The following HCN1 variants were observed in gnomAD, a reference collection of about 807,000 sequenced individuals.
The protein encoded by HCN1 is potassium/sodium hyperpolarization-activated cyclic nucleotide-gated channel 1.
A neutral mutation model predicts 78.9 loss-of-function variants in HCN1; 13 were observed. That is an observed-to-expected ratio of 0.16 (90% CI 0.11 to 0.26). The LOEUF is 0.26. Among genes scored for constraint, HCN1 ranks in the 10% least tolerant of loss-of-function variants. The pLI is 1.00. For synonymous variants in HCN1, 552 were observed against 455.5 expected (o/e 1.21, Z -2.70); for missense variants, 810 against 1,154.3 (o/e 0.70, Z 4.32).
At chr5:45,517,660 A>G (rs912010306) in intron 2 of HCN1, among the ~76,000 whole-genome samples, 1 of 151,956 alleles carries the variant, frequency 6.6e-6, no homozygotes, top group Non-Finnish European at 1.5e-5. Context: ...TGAGCTTCCA[A>G]GGAGGTTGAC....
intron 2 of HCN1, among the ~76,000 whole-genome samples, chr5:45,506,734 A>C (rs937205136): frequency 1.3e-5 from 2 of 152,160 alleles, no homozygotes; most frequent in Non-Finnish European, 2.9e-5. Flanking sequence ...CTAAAAGTAC[A>C]GCTCTGTATG....
intron 2 of HCN1, among the ~76,000 whole-genome samples, chr5:45,573,928 G>T (rs894229678): frequency 2.0e-5 from 3 of 151,914 alleles, no homozygotes; most frequent in Non-Finnish European, 4.4e-5. Flanking sequence ...CACTGAATTT[G>T]CCCTTATAAA....
chr5:45,578,241 C>T (rs1743988734), intron 2 of HCN1, among the ~76,000 whole-genome samples: 1 of 151,922 alleles, frequency 6.6e-6, no homozygotes, highest in African/African-American at 2.4e-5. Flanking sequence ...AAAGGTCTAT[C>T]TAAAGGGTCT....
At chr5:45,433,380 A>G (rs886972175) in intron 3 of HCN1, among the ~76,000 whole-genome samples, 2 of 151,782 alleles carry the variant, frequency 1.3e-5, no homozygotes, top group African/African-American at 4.8e-5. Context: ...TTTCATCGGA[A>G]ATTATAATAG....
At chr5:45,341,096 C>T (rs1226388407) in intron 5 of HCN1, among the ~76,000 whole-genome samples, 1 of 152,118 alleles carries the variant, frequency 6.6e-6, no homozygotes, top group Non-Finnish European at 1.5e-5. Flanking sequence ...ATTCCTGATA[C>T]TGTTTTGTAA....
intron 5 of HCN1, among the ~76,000 whole-genome samples, chr5:45,307,210 G>T (rs1257307871): frequency 2.0e-5 from 3 of 152,022 alleles, no homozygotes. Flanking sequence ...AAATCTAAAT[G>T]ATTGGTTAAA....
intron 4 of HCN1, among the ~76,000 whole-genome samples, chr5:45,382,313 A>T (rs1188803710): frequency 6.6e-6 from 1 of 152,152 alleles, no homozygotes; most frequent in Non-Finnish European, 1.5e-5. Flanking sequence ...CTACCTGTGT[A>T]CACTGTAAGC....
chr5:45,381,316 G>T (rs951587943), intron 4 of HCN1, among the ~76,000 whole-genome samples: 1 of 151,978 alleles, frequency 6.6e-6, no homozygotes, highest in Admixed American at 6.6e-5. Flanking sequence ...TTCCCAAAAC[G>T]TAGATTCTAG....
intron 1 of HCN1, among the ~76,000 whole-genome samples, chr5:45,656,605 C>T (rs1457325973): frequency 3.3e-5 from 5 of 152,094 alleles, no homozygotes; most frequent in South Asian, 4.1e-4. Context: ...TCAGCTAATG[C>T]TTTAGATGTT....
rs1343777782 is a variant in HCN1 at position 45,548,917 on chromosome 5, T to C, written c.850-86910A>G. Among the ~76,000 whole-genome samples the C allele has an allele frequency of 2.7e-5, 4 of 150,914 alleles. 1 individual carries two copies. Among genetic ancestry groups the C allele is most frequent in the Non-Finnish European group, 4.4e-5 (3 of 67,774 alleles). ...CACAATTGCTTCAAAGAGAATAAAATACCTAGGAATCCAACTTACAAGGGA... is the reference window on the plus strand; with the variant it reads ...CACAATTGCTTCAAAGAGAATAAAACACCTAGGAATCCAACTTACAAGGGA... On this transcript the variant is annotated intron_variant, in intron 2 of 7. Coordinates refer to ENST00000303230, the MANE Select transcript of HCN1 (RefSeq NM_021072.4).
chr5:45,672,579 A>G (rs1746172316), intron 1 of HCN1, among the ~76,000 whole-genome samples: 1 of 151,440 alleles, frequency 6.6e-6, no homozygotes, highest in Non-Finnish European at 1.5e-5. Flanking sequence ...AAAAAAAAAA[A>G]AAACTAAAGT....
At chr5:45,517,539 A>AC (rs1554030356) in intron 2 of HCN1, among the ~76,000 whole-genome samples, 1 of 150,800 alleles carries the variant, frequency 6.6e-6, no homozygotes. Context: ...AAAAAAAAAA[A>AC]AAAAACATGA....
At chr5:45,554,153 T>C (rs1743426166) in intron 2 of HCN1, among the ~76,000 whole-genome samples, 2 of 151,896 alleles carry the variant, frequency 1.3e-5, no homozygotes, top group Admixed American at 1.3e-4. Context: ...AAATTTTGAA[T>C]GAGTCAATAA....
At chr5:45,426,227 C>T (rs770642766) in intron 3 of HCN1, among the ~76,000 whole-genome samples, 5 of 152,164 alleles carry the variant, frequency 3.3e-5, no homozygotes, top group Non-Finnish European at 4.4e-5. Flanking sequence ...TTGTTCTGTC[C>T]ATTTTAGGGC....
At chr5:45,534,971 C>T (rs1470831165) in intron 2 of HCN1, among the ~76,000 whole-genome samples, 2 of 152,134 alleles carry the variant, frequency 1.3e-5, no homozygotes, top group Non-Finnish European at 2.9e-5. Flanking sequence ...GACTTGAAAG[C>T]TATTGAAACA....
chr5:45,361,043 A>G (rs1396651650), intron 4 of HCN1, among the ~76,000 whole-genome samples: 1 of 151,994 alleles, frequency 6.6e-6, no homozygotes, highest in Non-Finnish European at 1.5e-5. Flanking sequence ...ATTTTATTTT[A>G]TTTTATTTGT....
At chr5:45,497,313 C>G (rs1361493795) in intron 2 of HCN1, among the ~76,000 whole-genome samples, 1 of 152,078 alleles carries the variant, frequency 6.6e-6, no homozygotes, top group Non-Finnish European at 1.5e-5. Context: ...GTTAAAGTCT[C>G]CCATTATTAA....
At chr5:45,294,992 T>A (rs991203469) in intron 6 of HCN1, among the ~76,000 whole-genome samples, 8 of 152,044 alleles carry the variant, frequency 5.3e-5, no homozygotes, top group Non-Finnish European at 1.2e-4. Flanking sequence ...TAAAAGAGGA[T>A]GATGAGATTA....
At position 45,377,200 on chromosome 5, in the gene HCN1, G is replaced by T. The variant is rs563798573; in HGVS notation, c.1230+19292C>A. On this transcript the variant is annotated intron_variant, in intron 4 of 7. Transcript: ENST00000303230. ...GTGAAGTTGTAGCCTTCAGAAAACT[G>T]CTCAAACAAAAATGGACAACCATAG... is the stretch of plus-strand genomic sequence containing the variant. Among the ~76,000 whole-genome samples, 4 of 151,968 alleles carry T rather than the reference G, an allele frequency of 2.6e-5. 1 individual carries two copies. The South Asian group carries it at 8.3e-4, about 31-fold the overall frequency.
Sources: allele counts gnomAD v4.1 joint callset (sites outside exome capture counted in the v4.1 genomes callset), GRCh38; gene constraint gnomAD v4.1.1; transcripts MANE v1.5; gene names NCBI Gene and HGNC (gene_info 2026-07-23, HGNC 2026-07-21).